Variants in AP4E1 observed in about 807,000 individuals in gnomAD.
AP4E1 encodes the protein AP-4 complex subunit epsilon-1.
AP4E1 carries 56 observed loss-of-function variants against 128.2 expected under a neutral mutation model. The observed-to-expected ratio is 0.44, with a 90% CI of 0.35 to 0.55. The LOEUF (loss-of-function observed/expected upper bound fraction) is 0.55. Among genes scored for constraint, AP4E1 ranks in the 20% least tolerant of loss-of-function variants. The pLI, the probability that AP4E1 is intolerant of heterozygous loss-of-function variation, is 0.00. For missense variants in AP4E1, 1,324 were observed against 1,307.7 expected (o/e 1.01, Z -0.19); for synonymous variants, 484 against 473.1 (o/e 1.02, Z -0.30).
chr15:50,939,100 G>A (rs901460824), intron 8 of AP4E1, among the ~76,000 whole-genome samples: 1 of 152,236 alleles, frequency 6.6e-6, no homozygotes, highest in Non-Finnish European at 1.5e-5. Flanking sequence ...ATGCTTTATA[G>A]CATTTTAATT....
At position 50,982,086 on chromosome 15, in the gene AP4E1, CAAA is replaced by C. The variant is rs55717107; in HGVS notation, c.1967-1915_1967-1913del. Among the ~76,000 whole-genome samples the C allele has an allele frequency of 5.2e-3, 258 of 49,266 alleles. 1 individual carries two copies. The highest frequency in any genetic ancestry group is 0.02 in the African/African-American group (248 of 12,338). The allele number at this position is 49,266 out of a possible 152,430, so 32.3% of individuals were successfully genotyped here. A position where few individuals can be genotyped will look rare whatever the true frequency, so the allele number is the denominator to read the frequency against. ...GGCAATAAGAGCAAAACTCCCATCT[CAAA>C]AAAAAAAAAAAAAAAAAAAAGCAAG... On this transcript the variant is annotated intron_variant, in intron 15 of 20. Transcript: ENST00000261842.
rs1461599660 is a variant in AP4E1, at chr15:51,003,327, A to T, written c.*665A>T. 1 of 152,716 alleles carries T rather than the reference A, an allele frequency of 6.5e-6. No homozygotes were observed. The highest frequency in any genetic ancestry group is 1.9e-4 in the East Asian group (1 of 5,204). The allele number at this position is 152,716 out of a possible 1,614,324, so 9.5% of individuals were successfully genotyped here. ...TCTGTTTTCCACTTGGAGTTATTTT[A>T]AAATTCAAAGTAAATCACTCTATTC... On this transcript the variant is annotated 3_prime_UTR_variant, in exon 21 of 21. Coordinates refer to ENST00000261842, the MANE Select transcript of AP4E1 (RefSeq NM_007347.5).
At position 50,963,212 on chromosome 15, in the gene AP4E1, C is replaced by CA. The variant is rs200332524; in HGVS notation, c.1851+4426dup. 2.2e-3 allele frequency among the ~76,000 whole-genome samples: 333 copies of CA among 151,634 alleles called. 2 individuals are homozygous for CA. Among genetic ancestry groups the CA allele is most frequent in the African/African-American group, 7.6e-3 (313 of 41,368 alleles). ...GTTTTCAAAAAACCAAAAATTGTTTCAAAAAAAACAACCCAGCAATCCCAC... is the reference window on the plus strand; with the variant it reads ...GTTTTCAAAAAACCAAAAATTGTTTCAAAAAAAAACAACCCAGCAATCCCAC... On this transcript the variant is annotated intron_variant, in intron 14 of 20. Coordinates refer to ENST00000261842, the MANE Select transcript of AP4E1 (RefSeq NM_007347.5).
intron 8 of AP4E1, among the ~76,000 whole-genome samples, chr15:50,940,396 T>C (rs2063969150): frequency 6.6e-6 from 1 of 152,180 alleles, no homozygotes; most frequent in South Asian, 2.1e-4. Context: ...CAGAGGTTTA[T>C]AGAAGTTTTT....
At chr15:50,950,241 T>A (rs1257060494) in intron 13 of AP4E1, 72 bp downstream of exon 13, 3 of 1,103,750 alleles carry the variant, frequency 2.7e-6, no homozygotes, top group African/African-American at 1.6e-5. Context: ...CATATTTTCT[T>A]CAGAAACCAT....
intron 8 of AP4E1, among the ~76,000 whole-genome samples, 170 bp downstream of exon 8, chr15:50,934,867 G>A (rs1203474098): frequency 3.3e-5 from 5 of 151,972 alleles, no homozygotes; most frequent in Non-Finnish European, 5.9e-5. Flanking sequence ...TGATAGATAA[G>A]AGTAATTTGA....
At position 50,948,016 on chromosome 15, in the gene AP4E1, A is replaced by G. The variant is rs199993203; in HGVS notation, c.1177-4A>G. On this transcript the variant is annotated splice_polypyrimidine_tract_variant and splice_region_variant and intron_variant, in intron 10 of 20. Coordinates refer to ENST00000261842, the MANE Select transcript of AP4E1 (RefSeq NM_007347.5). ...ATTGTTTTTAATTTTTCTTCTTTAA[A>G]TAGACTCTGGAACTTCTTTACAGAA... 4.4e-6 allele frequency: 7 copies of G among 1,588,638 alleles called. No homozygotes were observed. The East Asian group carries it at 6.7e-5, about 15-fold the overall frequency.
chr15:50,966,632 G>A (rs1028059612), intron 14 of AP4E1, among the ~76,000 whole-genome samples: 2 of 149,848 alleles, frequency 1.3e-5, no homozygotes, highest in Non-Finnish European at 3.0e-5. Context: ...CTCCTCCCAG[G>A]TTTCAAGTGA....
chr15:50,908,736 T>TACGGGATCGCGGGCGGCG lies in AP4E1; in HGVS notation c.-42_-25dup, dbSNP rs1341496293. On this transcript the variant is annotated 5_prime_UTR_variant, in exon 1 of 21. Transcript: ENST00000261842. ...GCGGCCGGGCATGAAGCCGGGCGGC[T>TACGGGATCGCGGGCGGCG]ACGGGATCGCGGGCGGCGGCGGCAT... 5 of 1,480,478 alleles carry TACGGGATCGCGGGCGGCG rather than the reference T, an allele frequency of 3.4e-6. No individual in the cohort carries two copies. Among genetic ancestry groups the TACGGGATCGCGGGCGGCG allele is most frequent in the Non-Finnish European group, 4.5e-6 (5 of 1,111,894 alleles). 91.7% of individuals were successfully genotyped at this position (1,480,478 alleles called of 1,614,324 possible).
intron 15 of AP4E1, among the ~76,000 whole-genome samples, chr15:50,983,550 T>G (rs1337688968): frequency 2.0e-5 from 3 of 152,152 alleles, no homozygotes; most frequent in Admixed American, 6.5e-5. Context: ...TTATACAGAT[T>G]AAAAGGAATC....
At chr15:50,919,893 A>G (rs568193879) in intron 3 of AP4E1, among the ~76,000 whole-genome samples, 1 of 151,972 alleles carries the variant, frequency 6.6e-6, no homozygotes, top group South Asian at 2.1e-4. Context: ...CCTGGCCAGC[A>G]TGGTGAAACC....
chr15:50,970,026 A>C (rs1307158618), intron 15 of AP4E1, among the ~76,000 whole-genome samples: 1 of 152,170 alleles, frequency 6.6e-6, no homozygotes, highest in East Asian at 1.9e-4. Flanking sequence ...TAGTAATTCT[A>C]TAGTGGTCTA....
rs2064981443 is a variant in AP4E1, at chr15:51,002,829, T to C, written c.*167T>C. On this transcript the variant is annotated 3_prime_UTR_variant, in exon 21 of 21. Coordinates refer to ENST00000261842, the MANE Select transcript of AP4E1 (RefSeq NM_007347.5). ...CCTGGTCAAGAAAGATCCCCAAAAC[T>C]GTATCCCTAACCTTTAACTCAGGAT... is the stretch of plus-strand genomic sequence containing the variant. The C allele has an allele frequency of 1.2e-6, 1 of 851,234 alleles. No homozygotes were observed. Among genetic ancestry groups the C allele is most frequent in the Non-Finnish European group, 1.8e-6 (1 of 545,842 alleles). 52.7% of individuals were successfully genotyped at this position (851,234 alleles called of 1,614,324 possible). A position where few individuals can be genotyped will look rare whatever the true frequency, so the allele number is the denominator to read the frequency against.
intron 3 of AP4E1, among the ~76,000 whole-genome samples, chr15:50,916,712 A>G (rs2063635212): frequency 6.6e-6 from 1 of 152,126 alleles, no homozygotes; most frequent in Middle Eastern, 3.2e-3. Flanking sequence ...AGATCTTTTA[A>G]ACTTGTTATA....
intron 16 of AP4E1, among the ~76,000 whole-genome samples, chr15:50,990,045 AC>A (rs1432075369): frequency 3.9e-5 from 6 of 152,174 alleles, no homozygotes; most frequent in African/African-American, 1.4e-4. Flanking sequence ...AACTGGCAGC[AC>A]CCTATCTCAA....
chr15:50,922,186 TA>T (rs1432077511), intron 3 of AP4E1, among the ~76,000 whole-genome samples: 1 of 143,322 alleles, frequency 7.0e-6, no homozygotes, highest in African/African-American at 2.5e-5. Context: ...AAAAAAAAAT[TA>T]GCTCGGTGTG....
At chr15:50,977,223 G>A (rs1381897559) in intron 15 of AP4E1, among the ~76,000 whole-genome samples, 1 of 152,134 alleles carries the variant, frequency 6.6e-6, no homozygotes, top group East Asian at 1.9e-4. Context: ...TCAGGTATCT[G>A]GGGGCCACCA....
At chr15:50,927,096 A>C (rs8035358) in intron 5 of AP4E1, among the ~76,000 whole-genome samples, 92,122 of 151,994 alleles carry the variant, frequency 0.61, 28,102 homozygotes, top group Non-Finnish European at 0.63. Context: ...CTGATTATAA[A>C]AGCAGCATAT....
At chr15:50,936,761 C>G (rs2141168255) in intron 8 of AP4E1, among the ~76,000 whole-genome samples, 1 of 152,238 alleles carries the variant, frequency 6.6e-6, no homozygotes, top group African/African-American at 2.4e-5. Flanking sequence ...TGGTGAAACC[C>G]TGTCTCTACT....
Sources: gnomAD v4.1 joint callset for allele counts (sites outside exome capture counted in the v4.1 genomes callset) on GRCh38, gnomAD v4.1.1 for gene constraint, MANE v1.5 for transcripts, NCBI Gene and HGNC (gene_info 2026-07-23, HGNC 2026-07-21) for gene names.